Variants in PPP1R12C observed in about 807,000 individuals in gnomAD.
The protein encoded by PPP1R12C is leukocyte receptor cluster (LRC) encoded novel gene 3.
In PPP1R12C, 48 loss-of-function variants were observed where a neutral mutation model predicts 95.6. The ratio of observed to expected loss-of-function variants is 0.50; its 90% CI spans 0.40 to 0.64. The LOEUF (loss-of-function observed/expected upper bound fraction) is 0.64, where lower values mean the gene tolerates loss of function less well. Ranked by LOEUF, PPP1R12C falls within the 30% of genes least tolerant of loss-of-function variation. The pLI is 0.00. For missense variants in PPP1R12C, 1,057 were observed against 1,083.3 expected, an observed-to-expected ratio of 0.98 and a Z score of 0.34; for synonymous variants, 480 against 460.8, an observed-to-expected ratio of 1.04 and a Z score of -0.53.
intron 1 of PPP1R12C, among the ~76,000 whole-genome samples, chr19:55,116,544 G>A (rs946524944): frequency 6.6e-6 from 1 of 152,208 alleles, no homozygotes; most frequent in Non-Finnish European, 1.5e-5. Flanking sequence ...ACAGGCCCAG[G>A]GGAGAGAATG....
intron 4 of PPP1R12C, among the ~76,000 whole-genome samples, chr19:55,099,416 C>T (rs571655083): frequency 2.0e-5 from 3 of 152,278 alleles, no homozygotes; most frequent in South Asian, 2.1e-4. Context: ...GAGGCAGCTC[C>T]GGAGGATGCA....
At chr19:55,093,326 C>A in intron 13 of PPP1R12C, 93 bp from the exon 14 acceptor site, 1 of 294,544 alleles carries the variant, frequency 3.4e-6, no homozygotes, top group East Asian at 1.8e-4. Context: ...GCCCCTCCTC[C>A]CTCAGACCCA....
At position 55,092,631 on chromosome 19, in the gene PPP1R12C, T is replaced by A; in HGVS notation, c.1943A>T (p.Gln648Leu). ...CCCACCCCGCCCCTACCTGGACTCC[T>A]GGCTGCGGTCAGCCGGCTCCGCCTC... Reference protein sequence around the residue: ...GEEAEPADRSQESSTLEGGPS... With the variant: ...GEEAEPADRSLESSTLEGGPS... The change falls in exon 17 of 22, where the codon CAG becomes CTG. Residue 648 changes from glutamine (Q) to leucine (L), a missense_variant. Coordinates refer to ENST00000263433, the MANE Select transcript of PPP1R12C (RefSeq NM_017607.4). 3 of 1,479,644 alleles carry A rather than the reference T, an allele frequency of 2.0e-6. No individual in the cohort carries two copies. Among genetic ancestry groups the A allele is most frequent in the South Asian group, 1.3e-5 (1 of 77,662 alleles). The allele number at this position is 1,479,644 out of a possible 1,614,324, so 91.7% of individuals were successfully genotyped here.
At chr19:55,115,883 A>G (rs182847711) in intron 1 of PPP1R12C, among the ~76,000 whole-genome samples, 1 of 152,290 alleles carries the variant, frequency 6.6e-6, no homozygotes, top group East Asian at 1.9e-4. Flanking sequence ...GGAGGCAGCA[A>G]ACATGCTGTC....
At chr19:55,113,069 T>A in intron 1 of PPP1R12C, 1 of 559,276 alleles carries the variant, frequency 1.8e-6, no homozygotes, top group Non-Finnish European at 3.2e-6. Context: ...GGGCTTCTCA[T>A]CTGGGTGCGG....
In PPP1R12C at chr19:55,095,960, G is replaced by A. The variant is rs756714313; in HGVS notation, c.1154-20C>T. The stretch of plus-strand genomic sequence containing the variant: ...GTGGTTCTGTGATGTGGGAACACCG[G>A]GCAGGTCACAGAAGATGCCAGTTGC... On this transcript the variant is annotated intron_variant, in intron 8 of 21. Transcript: ENST00000263433. 2 of 1,611,178 alleles carry A rather than the reference G, an allele frequency of 1.2e-6. No individual in the cohort carries two copies. The highest frequency in any genetic ancestry group is 8.5e-7 in the Non-Finnish European group (1 of 1,179,290).
At chr19:55,110,559 C>T (rs1568819082) in intron 3 of PPP1R12C, among the ~76,000 whole-genome samples, 1 of 152,200 alleles carries the variant, frequency 6.6e-6, no homozygotes, top group South Asian at 2.1e-4. Context: ...TGCTGTGCAT[C>T]AGGCGAAGAT....
chr19:55,104,199 T>TATATATATATATATATATATATACACAC (rs34075382), intron 3 of PPP1R12C, among the ~76,000 whole-genome samples: 1 of 120,054 alleles, frequency 8.3e-6, no homozygotes, highest in African/African-American at 3.7e-5. Flanking sequence ...TATATATATA[T>TATATATATATATATATATATATACACAC]ACACACACAC....
Position 55,117,513 on chromosome 19 carries a change from G to C in PPP1R12C, c.31C>G (p.Pro11Ala), listed in dbSNP as rs1304759224. The change falls in exon 1 of 22, where the codon CCG (proline) becomes GCG (alanine). Residue 11 changes from proline (P) to alanine (A), a missense_variant. Pro to Ala is a conservative substitution (Grantham distance 27, BLOSUM62 -1). Around this residue, in one of 5 missense-constraint regions of PPP1R12C, gnomAD observed 70 missense variants for 47.8 expected, o/e 1.46. Coordinates refer to ENST00000263433, the MANE Select transcript of PPP1R12C (RefSeq NM_017607.4). ...CGGGCAGCCGCCGCCGCCGCCCCCG[G>C]GCCAGCCGCCGGGCCATCCTCTCCG... MSGEDGPAAGPGAAAAAARER... is the reference protein window; with the variant it reads MSGEDGPAAGAGAAAAAARER... 3 of 1,026,654 alleles carry C rather than the reference G, an allele frequency of 2.9e-6. No homozygotes were observed. The highest frequency in any genetic ancestry group is 3.5e-6 in the Non-Finnish European group (3 of 857,242). 63.6% of individuals were successfully genotyped at this position (1,026,654 alleles called of 1,614,324 possible).
intron 3 of PPP1R12C, among the ~76,000 whole-genome samples, chr19:55,107,892 T>C (rs2085055820): frequency 6.7e-6 from 1 of 149,874 alleles, no homozygotes; most frequent in Admixed American, 6.7e-5. Context: ...CATCTCAGAG[T>C]GAAAAAAATG....
At chr19:55,095,824 G>T in intron 9 of PPP1R12C, 43 bp downstream of exon 9, 1 of 1,596,644 alleles carries the variant, frequency 6.3e-7, no homozygotes, top group African/African-American at 1.3e-5. Flanking sequence ...TCCCACCTCC[G>T]GGCCCTCCCA....
chr19:55,105,070 C>CA (rs112109790), intron 3 of PPP1R12C, among the ~76,000 whole-genome samples: 9 of 142,046 alleles, frequency 6.3e-5, no homozygotes, highest in African/African-American at 2.3e-4. Context: ...GCATCTGACC[C>CA]TTTTTTTTTT....
intron 3 of PPP1R12C, among the ~76,000 whole-genome samples, chr19:55,110,700 C>G (rs1056147691): frequency 7.2e-5 from 11 of 152,108 alleles, no homozygotes; most frequent in African/African-American, 2.7e-4. Context: ...TGGTGAAACC[C>G]CATCTCTATT....
chr19:55,091,615 C>G (rs2084841492), intron 21 of PPP1R12C, 35 bp downstream of exon 21: 1 of 1,583,494 alleles, frequency 6.3e-7, no homozygotes, highest in Non-Finnish European at 8.6e-7. Context: ...CCCACCCACC[C>G]TCGGCCCTCT....
intron 19 of PPP1R12C, 74 bp from the exon 20 acceptor site, chr19:55,091,983 TG>T: frequency 6.4e-7 from 1 of 1,561,942 alleles, no homozygotes; most frequent in Non-Finnish European, 8.8e-7. Context: ...AGGCTCCTGC[TG>T]GGCACCCGCC....
chr19:55,091,182 C>A lies in PPP1R12C; in HGVS notation c.*290G>T. On this transcript the variant is annotated 3_prime_UTR_variant, in exon 22 of 22. Transcript: ENST00000263433. ...CTCCAGGCGGCCACTCTGGTCCTGGCTACTGATCCTTGCACTTCTTGGTCC... is the reference window on the plus strand; with the variant it reads ...CTCCAGGCGGCCACTCTGGTCCTGGATACTGATCCTTGCACTTCTTGGTCC... The A allele has an allele frequency of 2.1e-6, 1 of 475,170 alleles. No individual in the cohort carries two copies. Among genetic ancestry groups the A allele is most frequent in the South Asian group, 2.3e-5 (1 of 44,312 alleles). The allele number at this position is 475,170 out of a possible 1,614,324, so 29.4% of individuals were successfully genotyped here.
intron 8 of PPP1R12C, 42 bp downstream of exon 8, chr19:55,096,009 C>A (rs775207548): frequency 1.9e-6 from 3 of 1,607,416 alleles, no homozygotes; most frequent in Non-Finnish European, 1.7e-6. Context: ...GAACCCGACC[C>A]CTCCTCCCTC....
At chr19:55,098,750 A>G (rs2084949869) in intron 6 of PPP1R12C, 34 bp downstream of exon 6, 1 of 1,611,832 alleles carries the variant, frequency 6.2e-7, no homozygotes, top group Non-Finnish European at 8.5e-7. Context: ...GGACATGGGG[A>G]GTCTGGGGTA....
intron 11 of PPP1R12C, chr19:55,095,063 G>A (rs1450954859): frequency 1.5e-6 from 1 of 681,232 alleles, no homozygotes; most frequent in East Asian, 2.7e-5. Flanking sequence ...GGTGGCAGCA[G>A]GGTGGTCAGT....
Sources: gnomAD v4.1 joint callset for allele counts (sites outside exome capture counted in the v4.1 genomes callset) on GRCh38, gnomAD v4.1.1 for gene constraint, gnomAD v4.1.1 regional missense constraint, MANE v1.5 for transcripts, NCBI Gene and HGNC (gene_info 2026-07-23, HGNC 2026-07-21) for gene names.